The following MTHFD1 variants were observed in gnomAD, a reference collection of about 807,000 sequenced individuals.
The protein encoded by MTHFD1 is methylenetetrahydrofolate dehydrogenase, cyclohydrolase and formyltetrahydrofolate synthetase 1, also known as C-1-tetrahydrofolate synthase, cytoplasmic.
A neutral mutation model predicts 110.3 loss-of-function variants in MTHFD1; 44 were observed. The ratio of observed to expected loss-of-function variants is 0.40; its 90% confidence interval spans 0.31 to 0.51. The LOEUF (loss-of-function observed/expected upper bound fraction) is 0.51, where lower values mean the gene tolerates loss of function less well. MTHFD1 is among the 20% of genes least tolerant of loss of function. The pLI is 0.60. For synonymous variants in MTHFD1, 402 were observed against 428.8 expected (o/e 0.94, Z 0.77); for missense variants, 909 against 1,173.1 (o/e 0.77, Z 3.29).
At chr14:64,431,381 C>G (rs1247434486) in intron 13 of MTHFD1, 151 bp from the exon 14 acceptor site, 1 of 702,762 alleles carries the variant, frequency 1.4e-6, no homozygotes, top group East Asian at 2.7e-5. Context: ...TTTATGTTTT[C>G]AAGAACTCCC....
chr14:64,449,745 G>A (rs899481515), intron 24 of MTHFD1, 123 bp downstream of exon 24: 14 of 1,152,260 alleles, frequency 1.2e-5, no homozygotes, highest in Admixed American at 4.0e-5. Context: ...TGATTCCCAC[G>A]TAGGTGACTT....
intron 11 of MTHFD1, 62 bp from the exon 12 acceptor site, chr14:64,427,275 A>G: frequency 6.4e-7 from 1 of 1,573,970 alleles, no homozygotes; most frequent in East Asian, 2.2e-5. Context: ...GCTAGGTATG[A>G]CTTAGTGATT....
At chr14:64,408,745 G>A (rs543297298) in intron 2 of MTHFD1, among the ~76,000 whole-genome samples, 1 of 152,310 alleles carries the variant, frequency 6.6e-6, no homozygotes, top group African/African-American at 2.4e-5. Context: ...AAGCCCAGGT[G>A]TTTGAGACCA....
rs751697441 is a variant in MTHFD1 at position 64,424,940 on chromosome 14, G to C, written c.855+9G>C. The stretch of plus-strand genomic sequence containing the variant: ...TTGCAATGCTCATGCAGGTAATTGT[G>C]AATAAAAGTTTCTATAAGAGTTCTG... On this transcript the variant is annotated intron_variant, in intron 9 of 27. Coordinates refer to ENST00000652337, the MANE Select transcript of MTHFD1 (RefSeq NM_005956.4). 2 of 1,613,974 alleles carry C rather than the reference G, an allele frequency of 1.2e-6. No homozygotes were observed. Among genetic ancestry groups the C allele is most frequent in the African/African-American group, 1.3e-5 (1 of 74,898 alleles).
In MTHFD1 at chr14:64,425,789, T is replaced by C. The variant is rs913206571; in HGVS notation, c.915T>C (p.Ile305=). 8 of 1,613,726 alleles carry C rather than the reference T, an allele frequency of 5.0e-6. No individual in the cohort carries two copies. In the Admixed American group the frequency reaches 1.2e-4, roughly 24 times the overall value. Residue 305 remains isoleucine, a synonymous_variant, in exon 10 of 28, where the codon ATT becomes ATC. Transcript: ENST00000652337. ...LEKFKPGKWM[I]QYNNLNLKTP... ...AATTTAAGCCAGGAAAGTGGATGATTCAGTATAACAACCTTAACCTCAAGA... is the reference window on the plus strand; with the variant it reads ...AATTTAAGCCAGGAAAGTGGATGATCCAGTATAACAACCTTAACCTCAAGA...
chr14:64,412,332 G>A, intron 3 of MTHFD1, 140 bp from the exon 4 acceptor site: 1 of 720,494 alleles, frequency 1.4e-6, no homozygotes, highest in Non-Finnish European at 2.6e-6. Flanking sequence ...ATGGGTTGAA[G>A]TGAGGGACTC....
chr14:64,447,704 C>T (rs1380776492), intron 22 of MTHFD1, among the ~76,000 whole-genome samples: 1 of 152,076 alleles, frequency 6.6e-6, no homozygotes, highest in Non-Finnish European at 1.5e-5. Context: ...CTGCTTACTT[C>T]ATATTTCCTG....
chr14:64,441,902 G>A (rs1027213671), intron 19 of MTHFD1, 152 bp from the exon 20 acceptor site: 1 of 698,088 alleles, frequency 1.4e-6, no homozygotes, highest in African/African-American at 1.8e-5. Context: ...ACCTGTGACT[G>A]GGACGTTACT....
At position 64,438,960 on chromosome 14, in the gene MTHFD1, T is replaced by C. The variant is rs1317378924; in HGVS notation, c.1598-136T>C. On this transcript the variant is annotated intron_variant, in intron 16 of 27. Transcript: ENST00000652337. Reference sequence around the variant, plus strand: ...ATCATTTCTTAACTTTAACACATATTCTAGCTTTGCCATCCATTTTGAAAT... The same window carrying C: ...ATCATTTCTTAACTTTAACACATATCCTAGCTTTGCCATCCATTTTGAAAT... 15 of 725,628 alleles carry C rather than the reference T, an allele frequency of 2.1e-5. No homozygotes were observed. The East Asian group carries it at 4.0e-4, about 19-fold the overall frequency. The allele number at this position is 725,628 out of a possible 1,614,324, so 44.9% of individuals were successfully genotyped here. A position where few individuals can be genotyped will look rare whatever the true frequency, so the allele number is the denominator to read the frequency against.
rs183618000 is a variant in MTHFD1, at chr14:64,459,255, T to G, written c.*5-504T>G. Among the ~76,000 whole-genome samples the G allele has an allele frequency of 3.3e-5, 5 of 152,316 alleles. No homozygotes were observed. In the South Asian group the frequency reaches 1.0e-3, roughly 32 times the overall value. On this transcript the variant is annotated intron_variant, in intron 27 of 27. Transcript: ENST00000652337. ...CAAGAAAAAAGGAAGACGTGAGTTT[T>G]GGGAAACTGAACCCTCATTTGGACA...
At chr14:64,431,076 CTTT>C (rs369540665) in intron 13 of MTHFD1, among the ~76,000 whole-genome samples, 8 of 135,340 alleles carry the variant, frequency 5.9e-5, no homozygotes, top group African/African-American at 1.6e-4. Flanking sequence ...TTTTCTTTTT[CTTT>C]TTTTTTTTTT....
chr14:64,401,569 G>C lies in MTHFD1; in HGVS notation c.126+692G>C, dbSNP rs918231820. 5.3e-5 allele frequency among the ~76,000 whole-genome samples: 8 copies of C among 151,986 alleles called. No individual in the cohort carries two copies. The East Asian group carries it at 5.8e-4, about 11-fold the overall frequency. ...AACACAAAAATTAGCTGGGCGTGGTGGTGGGCGCCTGTAATCCCAGCTACT... is the reference window on the plus strand; with the variant it reads ...AACACAAAAATTAGCTGGGCGTGGTCGTGGGCGCCTGTAATCCCAGCTACT... On this transcript the variant is annotated intron_variant, in intron 2 of 27. Coordinates refer to ENST00000652337, the MANE Select transcript of MTHFD1 (RefSeq NM_005956.4).
chr14:64,449,994 C>T (rs893388506), intron 24 of MTHFD1, among the ~76,000 whole-genome samples: 18 of 152,242 alleles, frequency 1.2e-4, no homozygotes, highest in African/African-American at 4.3e-4. Flanking sequence ...GTTTCACCAT[C>T]TTGGCCAGGC....
At chr14:64,454,672 C>G in intron 25 of MTHFD1, 51 bp from the exon 26 acceptor site, 1 of 1,509,324 alleles carries the variant, frequency 6.6e-7, no homozygotes, top group Non-Finnish European at 9.2e-7. Flanking sequence ...ATGGTCATTG[C>G]TGGGTTGTCA....
At chr14:64,442,938 G>C (rs1197522967) in intron 21 of MTHFD1, among the ~76,000 whole-genome samples, 1 of 152,078 alleles carries the variant, frequency 6.6e-6, no homozygotes, top group Non-Finnish European at 1.5e-5. Flanking sequence ...CCTCCAGCCT[G>C]AATTTTGTAT....
chr14:64,421,713 TTG>T (rs2078072958), intron 8 of MTHFD1, among the ~76,000 whole-genome samples: 3 of 152,192 alleles, frequency 2.0e-5, no homozygotes, highest in Admixed American at 6.5e-5. Context: ...AAGCTCCGCC[TTG>T]CGGGTTCATG....
Position 64,449,194 on chromosome 14 carries a change from C to T in MTHFD1, c.2280-251C>T, listed in dbSNP as rs755579935. 66 of 543,132 alleles carry T rather than the reference C, an allele frequency of 1.2e-4. 2 individuals carry two copies. The highest frequency in any genetic ancestry group is 5.1e-4 in the Middle Eastern group (1 of 1,970). 33.6% of individuals were successfully genotyped at this position (543,132 alleles called of 1,614,324 possible). On this transcript the variant is annotated intron_variant, in intron 23 of 27. Transcript: ENST00000652337. The stretch of plus-strand genomic sequence containing the variant: ...TGGATTTACCATCTGAGTCTCATAA[C>T]GTCCCAATGAAATAAGTGCTGTGAT...
At chr14:64,421,286 A>C (rs192291783) in intron 8 of MTHFD1, among the ~76,000 whole-genome samples, 63 of 152,296 alleles carry the variant, frequency 4.1e-4, no homozygotes, top group African/African-American at 1.4e-3. Flanking sequence ...CTGTGGCGCC[A>C]CATCCAGCTT....
intron 16 of MTHFD1, among the ~76,000 whole-genome samples, chr14:64,436,677 C>T (rs972792346): frequency 1.3e-5 from 2 of 152,150 alleles, no homozygotes; most frequent in African/African-American, 4.8e-5. Flanking sequence ...ACTCAATAAC[C>T]GTTGCTAGCT....
Sources: allele counts gnomAD v4.1 joint callset (sites outside exome capture counted in the v4.1 genomes callset), GRCh38; gene constraint gnomAD v4.1.1; transcripts MANE v1.5; gene names NCBI Gene and HGNC (gene_info 2026-07-23, HGNC 2026-07-21).